The following HPD variants were observed in gnomAD, a reference collection of about 807,000 sequenced individuals.
The protein encoded by HPD is 4-hydroxyphenylpyruvate dioxygenase, also known as 4-hydroxyphenylpyruvic acid oxidase.
Under a neutral mutation model 56.9 loss-of-function variants are expected in HPD, and 35 were observed. The ratio of observed to expected loss-of-function variants is 0.62; its 90% CI spans 0.47 to 0.82. HPD has a LOEUF of 0.82. Ranked by LOEUF, HPD falls within the 40% of genes least tolerant of loss-of-function variation. The probability of loss-of-function intolerance (pLI) is 0.00; values close to 1 mark genes in which losing one functional copy is unlikely to be tolerated. For synonymous variants in HPD, 186 were observed against 200.2 expected, an observed-to-expected ratio of 0.93 and a Z score of 0.60; for missense variants, 442 against 506.8, an observed-to-expected ratio of 0.87 and a Z score of 1.23.
At position 121,839,595 on chromosome 12, in the gene HPD, T is replaced by C; in HGVS notation, c.*133A>G. ...CGGCCCCGCCGAGGGGCGTGGTCAG[T>C]GTGGGCGGAGCCTTGGGGGCCGAGT... On this transcript the variant is annotated 3_prime_UTR_variant, in exon 14 of 14. Transcript: ENST00000289004. 1 of 711,962 alleles carries C rather than the reference T, an allele frequency of 1.4e-6. No homozygotes were observed. The highest frequency in any genetic ancestry group is 1.5e-5 in the South Asian group (1 of 65,484). 44.1% of individuals were successfully genotyped at this position (711,962 alleles called of 1,614,324 possible).
At chr12:121,866,344 G>C (rs1592927941), upstream of HPD, among the ~76,000 whole-genome samples, 1 of 148,086 alleles carries the variant, frequency 6.8e-6, no homozygotes, top group East Asian at 2.0e-4. Context: ...AGATGTTCTA[G>C]ATGGTGATGG....
the HPD span, among the ~76,000 whole-genome samples, chr12:121,880,272 G>A: frequency 6.7e-6 from 1 of 150,374 alleles, no homozygotes; most frequent in Admixed American, 6.7e-5. Flanking sequence ...GCATGATCTC[G>A]GCTCATTGCA....
At chr12:121,843,879 C>T (rs756900349) in intron 11 of HPD, 47 bp from the exon 12 acceptor site, 1 of 1,613,544 alleles carries the variant, frequency 6.2e-7, no homozygotes, top group South Asian at 1.1e-5. Context: ...CCAAGTTCAA[C>T]TCCCCTAGCC....
At chr12:121,846,770 C>G (rs1877597610) in intron 11 of HPD, 92 bp downstream of exon 11, 3 of 1,203,240 alleles carry the variant, frequency 2.5e-6, no homozygotes, top group Non-Finnish European at 3.6e-6. Context: ...AGAAACGGGC[C>G]CAGGACTGCC....
At chr12:121,857,464 G>A (rs1289948898) in intron 3 of HPD, 32 bp from the exon 4 acceptor site, 2 of 1,490,784 alleles carry the variant, frequency 1.3e-6, no homozygotes, top group Admixed American at 1.7e-5. Context: ...GGGTTCATGA[G>A]GGTCAAGGGG....
chr12:121,858,915 C>A (rs1454535382), upstream of HPD: 2 of 1,462,946 alleles, frequency 1.4e-6, no homozygotes, highest in African/African-American at 2.8e-5. Context: ...GCCCAGGCCT[C>A]CTGGCCTACC....
At chr12:121,855,756 G>GA (rs968210095) in intron 6 of HPD, among the ~76,000 whole-genome samples, 1 of 149,648 alleles carries the variant, frequency 6.7e-6, no homozygotes, top group Non-Finnish European at 1.5e-5. Flanking sequence ...AATGAAAAAA[G>GA]AAAAAAAAGG....
At chr12:121,849,969 G>A (rs982858352) in intron 7 of HPD, 179 bp from the exon 8 acceptor site, 3 of 642,684 alleles carry the variant, frequency 4.7e-6, no homozygotes, top group South Asian at 3.3e-5. Flanking sequence ...TCACTTGTTT[G>A]AGAGTTTCCG....
chr12:121,888,141 C>G, the HPD span, among the ~76,000 whole-genome samples: 3 of 152,162 alleles, frequency 2.0e-5, no homozygotes, highest in African/African-American at 7.2e-5. Context: ...TAAATAAACA[C>G]TGTTACCGTT....
chr12:121,884,005 CATT>C, the HPD span, among the ~76,000 whole-genome samples: 1 of 152,048 alleles, frequency 6.6e-6, no homozygotes, highest in Admixed American at 6.6e-5. Flanking sequence ...ATTGCAACAT[CATT>C]ATCTGACTGA....
At chr12:121,862,781 C>T (rs1311663132), upstream of HPD, among the ~76,000 whole-genome samples, 1 of 145,084 alleles carries the variant, frequency 6.9e-6, no homozygotes, top group Non-Finnish European at 1.5e-5. Context: ...CCAAGGTTCA[C>T]GCCATTCTCC....
chr12:121,861,206 G>A (rs2137638480), upstream of HPD, among the ~76,000 whole-genome samples: 1 of 152,036 alleles, frequency 6.6e-6, no homozygotes, highest in East Asian at 1.9e-4. Flanking sequence ...CATGGTGGCA[G>A]GCACCTGTAG....
intron 7 of HPD, among the ~76,000 whole-genome samples, chr12:121,853,481 GC>G (rs1424733543): frequency 6.6e-6 from 1 of 151,686 alleles, no homozygotes; most frequent in Non-Finnish European, 1.5e-5. Context: ...ATTTAGCCGG[GC>G]GTGGTGGCGG....
chr12:121,839,818 G>A lies in HPD; in HGVS notation c.1092C>T (p.Phe364=). The change falls in exon 14 of 14, where the codon TTC becomes TTT. Residue 364 remains phenylalanine (F), a synonymous_variant. Transcript: ENST00000289004. ...HNHQGFGAGN[F]NSLFKAFEEE... Reference sequence around the variant, plus strand: ...CCTCGAAAGCCTTGAACAGTGAGTTGAAGTTGCCGGCTCCAAAACCCTGTG... The same window carrying A: ...CCTCGAAAGCCTTGAACAGTGAGTTAAAGTTGCCGGCTCCAAAACCCTGTG... 1.9e-6 allele frequency: 3 copies of A among 1,614,192 alleles called. No individual in the cohort carries two copies. The highest frequency in any genetic ancestry group is 2.5e-6 in the Non-Finnish European group (3 of 1,180,008).
Position 121,857,814 on chromosome 12 carries a change from C to T in HPD, c.36G>A (p.Glu12=), listed in dbSNP as rs1360466137. 1 of 1,613,886 alleles carries T rather than the reference C, an allele frequency of 6.2e-7. No individual in the cohort carries two copies. Among genetic ancestry groups the T allele is most frequent in the Admixed American group, 1.7e-5 (1 of 60,014 alleles). Reference sequence around the variant, plus strand: ...AGTGGAAGTGGAGGAATCGGCCTCTCTCAGGCTGCAGAAGGAGAGAAGAGG... The same window carrying T: ...AGTGGAAGTGGAGGAATCGGCCTCTTTCAGGCTGCAGAAGGAGAGAAGAGG... ...TTYSDKGAKP[E]RGRFLHFHSV... is the part of the protein sequence containing the mutation. The change falls in exon 3 of 14, where the codon GAG becomes GAA. Residue 12 remains glutamate, a synonymous_variant. Coordinates refer to ENST00000289004, the MANE Select transcript of HPD (RefSeq NM_002150.3).
At position 121,857,753 on chromosome 12, in the gene HPD, C is replaced by T; in HGVS notation, c.93+4G>A. On this transcript the variant is annotated splice_donor_region_variant and intron_variant, in intron 3 of 13. Coordinates refer to ENST00000289004, the MANE Select transcript of HPD (RefSeq NM_002150.3). ...TCACTCCAGCACCTTGCCCCGGCTTCTACCTGCTTGGCGTTGCCAACCCAG... is the reference window on the plus strand; with the variant it reads ...TCACTCCAGCACCTTGCCCCGGCTTTTACCTGCTTGGCGTTGCCAACCCAG... 1 of 1,613,600 alleles carries T rather than the reference C, an allele frequency of 6.2e-7. No homozygotes were observed. Among genetic ancestry groups the T allele is most frequent in the African/African-American group, 1.3e-5 (1 of 75,036 alleles).
At chr12:121,851,440 G>A (rs1032893723) in intron 7 of HPD, among the ~76,000 whole-genome samples, 11 of 151,780 alleles carry the variant, frequency 7.2e-5, no homozygotes, top group Admixed American at 5.3e-4. Context: ...TCTGTCTCCC[G>A]GGTTCAAGTG....
At position 121,858,709 on chromosome 12, in the gene HPD, G is replaced by A; in HGVS notation, c.8C>T (p.Thr3Ile). ...TACCTTTGCCCCTTTGTCACTGTAA[G>A]TCGTCTAAGGAGAAAAAGAAGGACA... Reference protein sequence around the residue: MTTYSDKGAKPER... With the variant: MTIYSDKGAKPER... The change falls in exon 2 of 14, where the codon ACT becomes ATT. Residue 3 changes from threonine (T) to isoleucine (I), a missense_variant. Transcript: ENST00000289004. 1 of 1,614,132 alleles carries A rather than the reference G, an allele frequency of 6.2e-7. No homozygotes were observed. The highest frequency in any genetic ancestry group is 1.1e-5 in the South Asian group (1 of 91,080).
At chr12:121,875,856 C>T in the HPD span, among the ~76,000 whole-genome samples, 3 of 152,122 alleles carry the variant, frequency 2.0e-5, no homozygotes, top group Non-Finnish European at 4.4e-5. Flanking sequence ...TACATTGGCT[C>T]ACATCTATAT....
Sources: allele counts gnomAD v4.1 joint callset (sites outside exome capture counted in the v4.1 genomes callset), GRCh38; gene constraint gnomAD v4.1.1; transcripts MANE v1.5; gene names NCBI Gene and HGNC (gene_info 2026-07-23, HGNC 2026-07-21).